The following ABCA13 variants were observed in gnomAD, a reference collection of about 807,000 sequenced individuals.
ABCA13 encodes the protein ATP-binding cassette sub-family A member 13.
In ABCA13, 476 loss-of-function variants were observed where a neutral mutation model predicts 478.7. The observed-to-expected ratio is 0.99, with a 90% CI of 0.92 to 1.07. The LOEUF is 1.07. ABCA13 is among the 50% of genes least tolerant of loss of function. The pLI is 0.00. For synonymous variants in ABCA13, 2,252 were observed against 2,158.9 expected, an observed-to-expected ratio of 1.04 and a Z score of -1.20; for missense variants, 6,060 against 5,910.6, an observed-to-expected ratio of 1.03 and a Z score of -0.83.
chr7:48,362,873 A>G (rs1434607367), intron 31 of ABCA13, among the ~76,000 whole-genome samples: 1 of 152,010 alleles, frequency 6.6e-6, no homozygotes, highest in Non-Finnish European at 1.5e-5. Context: ...AATATTCTAC[A>G]TTTGCCAATA....
At position 48,411,061 on chromosome 7, in the gene ABCA13, CTT is replaced by C. The variant is rs1411122787; in HGVS notation, c.12228+386_12228+387del. ...TTTCTTTCTTTCTTTTTCTTTCTTT[CTT>C]TCTTTCTTTTTCTTTCTTTCTCTCC... On this transcript the variant is annotated intron_variant, in intron 40 of 61. Coordinates refer to ENST00000435803, the MANE Select transcript of ABCA13 (RefSeq NM_152701.5). Among the ~76,000 whole-genome samples the C allele has an allele frequency of 4.1e-4, 49 of 118,496 alleles. 3 individuals carry two copies. The highest frequency in any genetic ancestry group is 6.3e-4 in the Non-Finnish European group (35 of 55,568). The allele number at this position is 118,496 out of a possible 152,430, so 77.7% of individuals were successfully genotyped here.
At position 48,281,466 on chromosome 7, in the gene ABCA13, A is replaced by G. The variant is rs1212721891; in HGVS notation, c.8836+14A>G. 9 of 1,576,744 alleles carry G rather than the reference A, an allele frequency of 5.7e-6. No homozygotes were observed. Among genetic ancestry groups the G allele is most frequent in the African/African-American group, 4.0e-5 (3 of 74,244 alleles). ...CCATCGTTGCAGGTGGGCTGCTCAT[A>G]TAACAAGTGCTCTGCAATTGCCCTG... On this transcript the variant is annotated intron_variant, in intron 19 of 61. Transcript: ENST00000435803.
chr7:48,301,446 T>C (rs1449916471), intron 23 of ABCA13, among the ~76,000 whole-genome samples: 2 of 152,170 alleles, frequency 1.3e-5, no homozygotes, highest in African/African-American at 4.8e-5. Flanking sequence ...ATGAAGTTTG[T>C]TTCCTGGAAA....
intron 42 of ABCA13, among the ~76,000 whole-genome samples, chr7:48,443,502 G>C (rs10238444): frequency 0.3 from 45,268 of 152,064 alleles, 6,820 homozygotes; most frequent in East Asian, 0.37. Context: ...GTTATTTACT[G>C]TGTCCTACAT....
chr7:48,228,063 T>C (rs925620509), intron 6 of ABCA13, among the ~76,000 whole-genome samples: 7 of 152,240 alleles, frequency 4.6e-5, no homozygotes, highest in Admixed American at 1.3e-4. Context: ...TTGAATTATT[T>C]TGTGTAAACT....
intron 32 of ABCA13, among the ~76,000 whole-genome samples, chr7:48,369,525 G>C (rs928970791): frequency 1.3e-5 from 2 of 152,178 alleles, no homozygotes; most frequent in Middle Eastern, 3.4e-3. Flanking sequence ...ATGGTCTCAG[G>C]GCTTAGATTT....
chr7:48,324,885 G>C (rs1029156957), intron 27 of ABCA13, among the ~76,000 whole-genome samples: 5 of 152,156 alleles, frequency 3.3e-5, no homozygotes, highest in African/African-American at 1.2e-4. Flanking sequence ...TAAAAAGCTT[G>C]TTAAGCTGCA....
rs148319596 is a variant in ABCA13, at chr7:48,247,472, C to T, written c.1660-767C>T. On this transcript the variant is annotated intron_variant, in intron 13 of 61. Coordinates refer to ENST00000435803, the MANE Select transcript of ABCA13 (RefSeq NM_152701.5). ...GAGGTAGCCTTTTGGATGATGCCTACGATACGTATCACTAACAAATCACCC... is the reference window on the plus strand; with the variant it reads ...GAGGTAGCCTTTTGGATGATGCCTATGATACGTATCACTAACAAATCACCC... 2.6e-3 allele frequency among the ~76,000 whole-genome samples: 399 copies of T among 152,124 alleles called. 1 individual carries two copies. Among genetic ancestry groups the T allele is most frequent in the African/African-American group, 9.1e-3 (379 of 41,516 alleles).
intron 31 of ABCA13, among the ~76,000 whole-genome samples, chr7:48,363,037 T>C (rs1189517980): frequency 6.6e-6 from 1 of 152,146 alleles, no homozygotes; most frequent in Admixed American, 6.6e-5. Context: ...TTCCTGTTTT[T>C]GTTTTAGTCT....
chr7:48,377,466 CA>C (rs1469857228), intron 35 of ABCA13, among the ~76,000 whole-genome samples: 1 of 151,976 alleles, frequency 6.6e-6, no homozygotes, highest in East Asian at 1.9e-4. Context: ...TAATCTTATA[CA>C]AATGAAAATG....
chr7:48,628,721 T>C (rs1007228654), intron 59 of ABCA13, among the ~76,000 whole-genome samples: 3 of 152,258 alleles, frequency 2.0e-5, no homozygotes, highest in Non-Finnish European at 4.4e-5. Context: ...TTCTGTTTAC[T>C]TCTGTATCCT....
chr7:48,278,984 TG>T lies in ABCA13; in HGVS notation c.7792del (p.Ala2598ProfsTer4), dbSNP rs1796662209. ...GATTTGTTGGTGCCATTTCTTGACT[TG>T]GCCTTTGAAATGATTGGGGTAGAAC... Reference protein sequence around the residue: ...INDLLVPFLDLAFEMIGVEPY... With the variant: ...INDLLVPFLDXAFEMIGVEPY... On this transcript the variant is annotated frameshift_variant, in exon 18 of 62. Coordinates refer to ENST00000435803, the MANE Select transcript of ABCA13 (RefSeq NM_152701.5). LOFTEE classifies it high-confidence loss of function. 6.2e-7 allele frequency: 1 copy of T among 1,613,324 alleles called. No homozygotes were observed. The highest frequency in any genetic ancestry group is 1.3e-5 in the African/African-American group (1 of 74,902).
intron 44 of ABCA13, 140 bp downstream of exon 44, chr7:48,467,185 G>A (rs1826978224): frequency 2.5e-6 from 2 of 799,988 alleles, no homozygotes; most frequent in Admixed American, 2.0e-5. Flanking sequence ...CTAATGACTA[G>A]GTTATTACTG....
intron 22 of ABCA13, among the ~76,000 whole-genome samples, chr7:48,297,752 G>A (rs1157914181): frequency 6.6e-6 from 1 of 151,740 alleles, no homozygotes; most frequent in African/African-American, 2.4e-5. Flanking sequence ...CTTGGTCACT[G>A]CTCCCTAAGA....
At chr7:48,221,137 A>T (rs184003129) in intron 4 of ABCA13, 144 bp from the exon 5 acceptor site, 617 of 496,566 alleles carry the variant, frequency 1.2e-3, no homozygotes, top group Non-Finnish European at 1.8e-3. Context: ...ATGAAGATAG[A>T]TTTATTCTTC....
At chr7:48,438,772 G>A (rs1823186218) in intron 42 of ABCA13, among the ~76,000 whole-genome samples, 2 of 151,804 alleles carry the variant, frequency 1.3e-5, no homozygotes, top group Admixed American at 6.6e-5. Flanking sequence ...TAGAAACCAG[G>A]CAGCACCTTC....
At chr7:48,582,547 T>G (rs930026039) in intron 56 of ABCA13, among the ~76,000 whole-genome samples, 1 of 152,144 alleles carries the variant, frequency 6.6e-6, no homozygotes, top group African/African-American at 2.4e-5. Flanking sequence ...CTATTTTCAT[T>G]GTAACATGGA....
chr7:48,234,202 G>T, intron 8 of ABCA13, 51 bp downstream of exon 8: 1 of 1,612,652 alleles, frequency 6.2e-7, no homozygotes, highest in South Asian at 1.1e-5. Context: ...CTGGAGACTG[G>T]ATCTAGAGCA....
At chr7:48,518,120 A>G (rs192870162) in intron 52 of ABCA13, among the ~76,000 whole-genome samples, 1 of 152,194 alleles carries the variant, frequency 6.6e-6, no homozygotes, top group African/African-American at 2.4e-5. Context: ...ATTGACACTG[A>G]TTTATATTAA....
Sources: gnomAD v4.1 joint callset for allele counts (sites outside exome capture counted in the v4.1 genomes callset) on GRCh38, gnomAD v4.1.1 for gene constraint, MANE v1.5 for transcripts, NCBI Gene and HGNC (gene_info 2026-07-23, HGNC 2026-07-21) for gene names.